The following MED13L variants were observed in gnomAD, a reference collection of about 807,000 sequenced individuals.
MED13L encodes the protein mediator complex subunit 13L, also known as mediator of RNA polymerase II transcription subunit 13-like.
Under a neutral mutation model 220.9 loss-of-function variants are expected in MED13L, and 7 were observed. That is an observed-to-expected ratio of 0.03 (90% CI 0.02 to 0.06). The LOEUF (loss-of-function observed/expected upper bound fraction) is 0.06, where lower values mean the gene tolerates loss of function less well. Ranked by LOEUF, MED13L falls within the 10% of genes least tolerant of loss-of-function variation. MED13L has a pLI of 1.00. For synonymous variants in MED13L, 1,011 were observed against 1,015.2 expected, an observed-to-expected ratio of 1.00 and a Z score of 0.08; for missense variants, 1,965 against 2,760.5, an observed-to-expected ratio of 0.71 and a Z score of 6.46.
At chr12:116,193,904 C>G (rs1474858306) in intron 2 of MED13L, among the ~76,000 whole-genome samples, 1 of 152,108 alleles carries the variant, frequency 6.6e-6, no homozygotes, top group East Asian at 1.9e-4. Flanking sequence ...AGAAGCTAGT[C>G]AAAGATTAAA....
chr12:116,046,036 A>G (rs2137562920), intron 4 of MED13L, among the ~76,000 whole-genome samples: 1 of 152,300 alleles, frequency 6.6e-6, no homozygotes, highest in African/African-American at 2.4e-5. Flanking sequence ...AAGAAAAAGC[A>G]GGCTTAGCAT....
chr12:116,275,064 C>T (rs1485919131), intron 1 of MED13L, among the ~76,000 whole-genome samples: 2 of 151,270 alleles, frequency 1.3e-5, no homozygotes, highest in Non-Finnish European at 2.9e-5. Context: ...CATTTGTCTA[C>T]AGAATCCGTA....
intron 4 of MED13L, among the ~76,000 whole-genome samples, chr12:116,024,832 C>T (rs1880295342): frequency 7.2e-6 from 1 of 139,008 alleles, no homozygotes; most frequent in Non-Finnish European, 1.5e-5. Context: ...TAGTGTCATT[C>T]CTCTGCATGT....
chr12:116,162,585 T>C (rs1014003779), intron 2 of MED13L, among the ~76,000 whole-genome samples: 1 of 152,238 alleles, frequency 6.6e-6, no homozygotes, highest in African/African-American at 2.4e-5. Flanking sequence ...TTTTTTAATG[T>C]TATCACATGT....
intron 14 of MED13L, among the ~76,000 whole-genome samples, chr12:115,997,724 TTCTTGGTCTTTA>T (rs1400144960): frequency 6.6e-6 from 1 of 152,186 alleles, no homozygotes. Context: ...GCCTGGACTT[TTCTTGGTCTTTA>T]TCACTAACTT....
At chr12:116,047,950 T>C (rs1430441605) in intron 4 of MED13L, among the ~76,000 whole-genome samples, 3 of 152,146 alleles carry the variant, frequency 2.0e-5, no homozygotes, top group East Asian at 3.8e-4. Context: ...ATTTACTGAA[T>C]GTGTTTTTAT....
intron 2 of MED13L, chr12:116,230,623 C>A: frequency 3.6e-6 from 1 of 274,188 alleles, no homozygotes; most frequent in Non-Finnish European, 5.5e-6. Flanking sequence ...TTTAATACCA[C>A]TAAAAAAAAA....
intron 2 of MED13L, among the ~76,000 whole-genome samples, chr12:116,135,886 T>C (rs951979644): frequency 1.3e-5 from 2 of 152,030 alleles, no homozygotes; most frequent in African/African-American, 4.8e-5. Context: ...CAAGTGGGGC[T>C]GTTTTTCAAA....
chr12:115,978,802 T>A (rs1276059120), intron 23 of MED13L, among the ~76,000 whole-genome samples: 1 of 152,196 alleles, frequency 6.6e-6, no homozygotes, highest in Non-Finnish European at 1.5e-5. Flanking sequence ...AAATAAAATA[T>A]GATTCCCAAA....
chr12:116,071,054 T>C (rs966121702), intron 4 of MED13L, among the ~76,000 whole-genome samples: 5 of 152,144 alleles, frequency 3.3e-5, no homozygotes, highest in African/African-American at 1.2e-4. Flanking sequence ...TCAGTATTTT[T>C]AATGAATAAC....
At chr12:116,043,274 GA>G (rs1174173048) in intron 4 of MED13L, among the ~76,000 whole-genome samples, 1 of 152,142 alleles carries the variant, frequency 6.6e-6, no homozygotes, top group Non-Finnish European at 1.5e-5. Context: ...TTAAAGCCAC[GA>G]AAAATGTATT....
chr12:116,213,106 G>A (rs1280597181), intron 2 of MED13L, among the ~76,000 whole-genome samples: 2 of 152,116 alleles, frequency 1.3e-5, no homozygotes, highest in Admixed American at 6.6e-5. Context: ...CAATTTGCAC[G>A]GCTTGATGAA....
intron 2 of MED13L, among the ~76,000 whole-genome samples, chr12:116,224,086 A>G (rs956136306): frequency 6.6e-6 from 1 of 152,188 alleles, no homozygotes; most frequent in Non-Finnish European, 1.5e-5. Context: ...TGATGGGCAA[A>G]AGTCAGATGC....
intron 8 of MED13L, among the ~76,000 whole-genome samples, chr12:116,013,864 T>G (rs1879567163): frequency 6.6e-6 from 1 of 152,202 alleles, no homozygotes; most frequent in South Asian, 2.1e-4. Context: ...CATCTCCCTG[T>G]TCTGTACTGC....
intron 2 of MED13L, among the ~76,000 whole-genome samples, chr12:116,180,057 A>T (rs1486897111): frequency 6.6e-6 from 1 of 152,184 alleles, no homozygotes; most frequent in Non-Finnish European, 1.5e-5. Flanking sequence ...TCGCATTTCA[A>T]AATTGTTGCA....
At chr12:116,187,676 A>T (rs969397539) in intron 2 of MED13L, among the ~76,000 whole-genome samples, 3 of 152,150 alleles carry the variant, frequency 2.0e-5, no homozygotes, top group African/African-American at 7.2e-5. Flanking sequence ...ATCATAGGGG[A>T]TGTATAGAAG....
chr12:116,231,365 C>T (rs777641081), intron 2 of MED13L, among the ~76,000 whole-genome samples: 5 of 152,180 alleles, frequency 3.3e-5, no homozygotes, highest in Non-Finnish European at 7.4e-5. Context: ...GACACAACAT[C>T]ACCTACTCAG....
intron 27 of MED13L, 111 bp from the exon 28 acceptor site, chr12:115,969,208 T>C (rs2137217371): frequency 1.7e-6 from 2 of 1,168,796 alleles, no homozygotes; most frequent in Non-Finnish European, 2.5e-6. Flanking sequence ...ATGGCTATTA[T>C]GGACACACAC....
intron 2 of MED13L, among the ~76,000 whole-genome samples, chr12:116,236,102 G>C (rs1870056665): frequency 6.6e-6 from 1 of 152,136 alleles, no homozygotes; most frequent in Admixed American, 6.5e-5. Flanking sequence ...CTGATAAACA[G>C]AATCCAGATG....
Sources: gnomAD v4.1 joint callset for allele counts (sites outside exome capture counted in the v4.1 genomes callset) on GRCh38, gnomAD v4.1.1 for gene constraint, MANE v1.5 for transcripts, NCBI Gene and HGNC (gene_info 2026-07-23, HGNC 2026-07-21) for gene names.